The following LCP1 variants were observed in gnomAD, a reference collection of about 807,000 sequenced individuals.
LCP1 encodes the protein lymphocyte cytosolic protein 1.
A neutral mutation model predicts 72.0 loss-of-function variants in LCP1; 23 were observed. The ratio of observed to expected loss-of-function variants is 0.32; its 90% CI spans 0.23 to 0.45. The LOEUF is 0.45. Ranked by LOEUF, LCP1 falls within the 20% of genes least tolerant of loss-of-function variation. LCP1 has a pLI of 1.00. For missense variants in LCP1, 571 were observed against 748.3 expected (o/e 0.76, Z 2.76); for synonymous variants, 245 against 275.4 (o/e 0.89, Z 1.09).
chr13:46,142,775 T>G, intron 12 of LCP1: 1 of 472,858 alleles, frequency 2.1e-6, no homozygotes, highest in Non-Finnish European at 4.2e-6. Flanking sequence ...CATGGAAAAT[T>G]TGGAGTCTCC....
chr13:46,127,787 G>T, intron 15 of LCP1, 64 bp from the exon 16 acceptor site: 1 of 1,579,864 alleles, frequency 6.3e-7, no homozygotes, highest in South Asian at 1.1e-5. Flanking sequence ...TGGGACCCTG[G>T]AGGGTCACAG....
At chr13:46,142,724 A>G (rs771280160) in intron 12 of LCP1, 8 of 509,188 alleles carry the variant, frequency 1.6e-5, no homozygotes, top group Admixed American at 9.1e-5. Flanking sequence ...TTAATTACCT[A>G]CATGTAATAT....
At chr13:46,146,617 ACT>A (rs2045732343) in intron 10 of LCP1, among the ~76,000 whole-genome samples, 1 of 152,170 alleles carries the variant, frequency 6.6e-6, no homozygotes, top group Non-Finnish European at 1.5e-5. Flanking sequence ...TCTTTTTGAA[ACT>A]CAGGATTTAT....
chr13:46,159,049 G>C, intron 2 of LCP1, 60 bp from the exon 3 acceptor site: 1 of 1,525,012 alleles, frequency 6.6e-7, no homozygotes, highest in South Asian at 1.1e-5. Flanking sequence ...TTTTAGAGAG[G>C]TGAGGGAAGA....
intron 1 of LCP1, among the ~76,000 whole-genome samples, chr13:46,168,746 C>A (rs899806620): frequency 2.6e-5 from 4 of 152,236 alleles, no homozygotes. Flanking sequence ...TACAACCTCT[C>A]TGGTGTCTCA....
intron 15 of LCP1, among the ~76,000 whole-genome samples, chr13:46,129,397 T>A (rs2045620438): frequency 6.6e-6 from 1 of 152,088 alleles, no homozygotes; most frequent in Non-Finnish European, 1.5e-5. Context: ...TTCATATGTG[T>A]TTTTCCTTCT....
At position 46,126,045 on chromosome 13, in the gene LCP1, C is replaced by G. The variant is rs1036490904; in HGVS notation, c.*1546G>C. The stretch of plus-strand genomic sequence containing the variant: ...AAATCATCTGAGGCTACAGTAAGTT[C>G]AATCTGAAGTCAAAACCAACCAATT... On this transcript the variant is annotated 3_prime_UTR_variant, in exon 16 of 16. Transcript: ENST00000323076. 6 of 208,636 alleles carry G rather than the reference C, an allele frequency of 2.9e-5. No homozygotes were observed. Among genetic ancestry groups the G allele is most frequent in the African/African-American group, 9.1e-5 (4 of 43,946 alleles). 12.9% of individuals were successfully genotyped at this position (208,636 alleles called of 1,614,324 possible). A position where few individuals can be genotyped will look rare whatever the true frequency, so the allele number is the denominator to read the frequency against.
intron 13 of LCP1, among the ~76,000 whole-genome samples, chr13:46,138,887 T>C (rs2045681107): frequency 6.6e-6 from 1 of 152,152 alleles, no homozygotes; most frequent in Non-Finnish European, 1.5e-5. Flanking sequence ...CCTCAGGTGA[T>C]CCACCCGCCT....
chr13:46,160,088 C>T (rs1426381279), intron 1 of LCP1, among the ~76,000 whole-genome samples: 1 of 152,166 alleles, frequency 6.6e-6, no homozygotes, highest in Non-Finnish European at 1.5e-5. Flanking sequence ...ACCCAATTTC[C>T]ATGACATGAG....
At position 46,146,894 on chromosome 13, in the gene LCP1, T is replaced by G. The variant is rs758239755; in HGVS notation, c.1174+14A>C. On this transcript the variant is annotated intron_variant, in intron 10 of 15. Transcript: ENST00000323076. The stretch of plus-strand genomic sequence containing the variant: ...AGTGCCTTTCCCCATCTTAGGCAAA[T>G]CGTTTACAGTTACCTTCAAGAGCCC... 20 of 1,613,734 alleles carry G rather than the reference T, an allele frequency of 1.2e-5. No individual in the cohort carries two copies. The highest frequency in any genetic ancestry group is 1.7e-5 in the Admixed American group (1 of 59,992).
At chr13:46,142,602 C>T in intron 12 of LCP1, 177 bp from the exon 13 acceptor site, 1 of 652,570 alleles carries the variant, frequency 1.5e-6, no homozygotes, top group South Asian at 2.0e-5. Flanking sequence ...TCCATCTGTC[C>T]TTAGAACCCC....
chr13:46,137,157 T>C (rs1167353007), intron 13 of LCP1, among the ~76,000 whole-genome samples: 3 of 149,518 alleles, frequency 2.0e-5, no homozygotes, highest in Non-Finnish European at 4.4e-5. Flanking sequence ...TCACCTCAAC[T>C]GAGATGCAGA....
intron 7 of LCP1, among the ~76,000 whole-genome samples, chr13:46,152,463 C>T (rs1671973217): frequency 6.6e-6 from 1 of 152,136 alleles, no homozygotes; most frequent in Non-Finnish European, 1.5e-5. Context: ...AGTTAAAAGT[C>T]CTCTTATTTG....
chr13:46,176,177 T>C (rs2045928523), intron 1 of LCP1, among the ~76,000 whole-genome samples: 1 of 152,166 alleles, frequency 6.6e-6, no homozygotes, highest in Non-Finnish European at 1.5e-5. Context: ...AGTACATAGT[T>C]TTAAAATGGC....
At position 46,158,567 on chromosome 13, in the gene LCP1, C is replaced by G; in HGVS notation, c.313G>C (p.Gly105Arg). 1 of 1,614,174 alleles carries G rather than the reference C, an allele frequency of 6.2e-7. No homozygotes were observed. The highest frequency in any genetic ancestry group is 8.5e-7 in the Non-Finnish European group (1 of 1,180,026). Residue 105 changes from glycine (G) to arginine (R), a missense_variant, in exon 4 of 16, where the codon GGT (glycine) becomes CGT (arginine). Transcript: ENST00000323076. ...NKKEGICAIGGTSEQSSVGTQ... is the reference protein window; with the variant it reads ...NKKEGICAIGRTSEQSSVGTQ... ...CCAACGCTAGACTGCTCTGAAGTAC[C>G]ACCGATTGCACAAATCCCTTCCTTC...
chr13:46,128,068 T>C (rs1319786892), intron 15 of LCP1, among the ~76,000 whole-genome samples: 2 of 149,910 alleles, frequency 1.3e-5, no homozygotes, highest in Admixed American at 6.7e-5. Flanking sequence ...CTTGAACTCC[T>C]GGCCTCAAGA....
At chr13:46,146,156 C>G (rs941855222) in intron 10 of LCP1, among the ~76,000 whole-genome samples, 4 of 152,122 alleles carry the variant, frequency 2.6e-5, no homozygotes, top group Admixed American at 2.6e-4. Flanking sequence ...GACCATAATT[C>G]AGCAAATGAC....
intron 8 of LCP1, chr13:46,148,744 A>T (rs1409093695): frequency 1.3e-5 from 10 of 759,908 alleles, no homozygotes; most frequent in Non-Finnish European, 1.7e-6. Context: ...CAACTTATTT[A>T]CATGAATTAA....
At chr13:46,175,303 A>G (rs1454385536) in intron 1 of LCP1, among the ~76,000 whole-genome samples, 1 of 152,160 alleles carries the variant, frequency 6.6e-6, no homozygotes, top group Non-Finnish European at 1.5e-5. Context: ...GGAAGGGGAA[A>G]ATAACCCACA....
Sources: gnomAD v4.1 joint callset for allele counts (sites outside exome capture counted in the v4.1 genomes callset) on GRCh38, gnomAD v4.1.1 for gene constraint, MANE v1.5 for transcripts, NCBI Gene and HGNC (gene_info 2026-07-23, HGNC 2026-07-21) for gene names.